Variants in AFF2 observed in about 807,000 individuals in gnomAD.
The protein encoded by AFF2 is AF4/FMR2 family member 2.
AFF2 carries 14 observed loss-of-function variants against 76.9 expected under a neutral mutation model. That is an observed-to-expected ratio of 0.18 (90% confidence interval 0.12 to 0.28). The LOEUF (loss-of-function observed/expected upper bound fraction) is 0.28. Ranked by LOEUF, AFF2 falls within the 10% of genes least tolerant of loss-of-function variation. The pLI is 1.00. For synonymous variants in AFF2, 398 were observed against 366.7 expected (o/e 1.09, Z -0.98); for missense variants, 868 against 1,001.1 (o/e 0.87, Z 1.79).
At chrX:148,806,373 T>C (rs1447560008) in intron 3 of AFF2, among the ~76,000 whole-genome samples, 1 of 111,950 alleles carries the variant, frequency 8.9e-6, no homozygotes, top group Non-Finnish European at 1.9e-5. Context: ...GTCGAATCCT[T>C]GGCCTCTCAC....
At chrX:148,604,855 T>A (rs2053658843) in intron 1 of AFF2, among the ~76,000 whole-genome samples, 1 of 111,797 alleles carries the variant, frequency 8.9e-6, no homozygotes, top group Admixed American at 9.5e-5. Context: ...AATCAATAAA[T>A]CAAAGTTCTG....
chrX:148,746,598 A>G (rs1331141504), intron 3 of AFF2, among the ~76,000 whole-genome samples: 1 of 112,848 alleles, frequency 8.9e-6, no homozygotes, highest in African/African-American at 3.2e-5. Context: ...TACCACAACC[A>G]TACAAGTCAG....
intron 1 of AFF2, among the ~76,000 whole-genome samples, chrX:148,607,830 A>C (rs974026744): frequency 8.9e-6 from 1 of 111,853 alleles, no homozygotes; most frequent in Non-Finnish European, 1.9e-5. Flanking sequence ...TTTTTAGAGA[A>C]GCTATATACT....
intron 9 of AFF2, among the ~76,000 whole-genome samples, chrX:148,915,315 G>A (rs1476990746): frequency 8.9e-6 from 1 of 112,202 alleles, no homozygotes; most frequent in African/African-American, 3.2e-5. Flanking sequence ...ATACCCTCAT[G>A]CACCATGGTA....
chrX:148,901,979 A>G (rs1488113470), intron 8 of AFF2, among the ~76,000 whole-genome samples: 1 of 111,742 alleles, frequency 8.9e-6, no homozygotes, highest in Non-Finnish European at 1.9e-5. Flanking sequence ...AGAAAAGAGA[A>G]CCTCTCAGCA....
At chrX:148,847,520 A>G (rs1379558321) in intron 7 of AFF2, among the ~76,000 whole-genome samples, 3 of 112,026 alleles carry the variant, frequency 2.7e-5, no homozygotes, top group Admixed American at 9.4e-5. Flanking sequence ...AAATCTTAAT[A>G]TAGCCATAAT....
intron 15 of AFF2, among the ~76,000 whole-genome samples, chrX:148,970,724 T>C (rs1337283699): frequency 2.7e-5 from 3 of 111,912 alleles, no homozygotes; most frequent in African/African-American, 6.5e-5. Flanking sequence ...TTTCAAACTA[T>C]CATTTATAAT....
chrX:148,879,223 T>C (rs1314029806), intron 7 of AFF2, among the ~76,000 whole-genome samples: 1 of 111,986 alleles, frequency 8.9e-6, no homozygotes, highest in Non-Finnish European at 1.9e-5. Context: ...TGTGGCACTT[T>C]CTGAATCTCT....
chrX:148,569,703 G>A (rs2053207772), intron 1 of AFF2, among the ~76,000 whole-genome samples: 1 of 111,582 alleles, frequency 9.0e-6, no homozygotes, highest in South Asian at 3.7e-4. Flanking sequence ...TGTGACATTA[G>A]TGTTCAGAAG....
chrX:148,708,773 G>A (rs1049690477), intron 3 of AFF2, among the ~76,000 whole-genome samples: 1 of 112,436 alleles, frequency 8.9e-6, no homozygotes, highest in Admixed American at 9.4e-5. Flanking sequence ...TGGGTGGTAA[G>A]ATTCTATTTT....
intron 9 of AFF2, among the ~76,000 whole-genome samples, chrX:148,934,437 G>A (rs782400725): frequency 1.8e-5 from 2 of 112,064 alleles, no homozygotes; most frequent in African/African-American, 3.2e-5. Flanking sequence ...ATGATACTGC[G>A]ATTCTGCCAC....
At chrX:148,626,420 A>C (rs1035830407) in intron 1 of AFF2, among the ~76,000 whole-genome samples, 3 of 110,621 alleles carry the variant, frequency 2.7e-5, no homozygotes, top group Admixed American at 9.7e-5. Flanking sequence ...TGTAGGTGAC[A>C]TGGATGCATA....
At chrX:148,556,722 C>T (rs2053056381) in intron 1 of AFF2, among the ~76,000 whole-genome samples, 1 of 112,102 alleles carries the variant, frequency 8.9e-6, no homozygotes, top group Admixed American at 9.5e-5. Flanking sequence ...TAAAGTAAAA[C>T]CTGGTTGACA....
At chrX:148,662,820 T>C (rs1557258022) in intron 3 of AFF2, 52 bp downstream of exon 3, 1 of 1,120,382 alleles carries the variant, frequency 8.9e-7, no homozygotes, top group Admixed American at 2.4e-5. Context: ...AGTTCTCTGC[T>C]CTAACCTCTA....
intron 3 of AFF2, among the ~76,000 whole-genome samples, chrX:148,741,894 TCTC>T (rs782455820): frequency 1.2e-4 from 13 of 111,597 alleles, no homozygotes; most frequent in Non-Finnish European, 2.4e-4. Flanking sequence ...GTTGGAAACT[TCTC>T]CTGGAAACAG....
At chrX:148,907,559 C>A (rs1475494017) in intron 9 of AFF2, among the ~76,000 whole-genome samples, 1 of 111,021 alleles carries the variant, frequency 9.0e-6, no homozygotes, top group African/African-American at 3.3e-5. Flanking sequence ...CTGTGATGCC[C>A]CCCAAGCCGC....
intron 1 of AFF2, among the ~76,000 whole-genome samples, chrX:148,513,236 C>T (rs190545197): frequency 5.4e-4 from 61 of 112,115 alleles, no homozygotes; most frequent in Admixed American, 4.4e-3. Flanking sequence ...ACTTTGCCTA[C>T]GTGCCTATAC....
At chrX:148,907,089 G>A (rs1040082797) in intron 9 of AFF2, among the ~76,000 whole-genome samples, 11 of 111,936 alleles carry the variant, frequency 9.8e-5, no homozygotes, top group East Asian at 2.8e-4. Flanking sequence ...TAAAAGGCCC[G>A]CCCCATCTTG....
At chrX:148,991,132 G>T in intron 20 of AFF2, 79 bp from the exon 21 acceptor site, 1 of 1,008,831 alleles carries the variant, frequency 9.9e-7, no homozygotes. Context: ...GTGGTGTTGT[G>T]TGAAAGCAGC....
Sources: gnomAD v4.1 joint callset for allele counts (sites outside exome capture counted in the v4.1 genomes callset) on GRCh38, gnomAD v4.1.1 for gene constraint, MANE v1.5 for transcripts, NCBI Gene and HGNC (gene_info 2026-07-23, HGNC 2026-07-21) for gene names.